CD9: variants seen among roughly 807,000 people sequenced by gnomAD.
CD9 encodes the protein CD9 molecule, also known as CD9 antigen.
Under a neutral mutation model 31.4 loss-of-function variants are expected in CD9, and 10 were observed. The ratio of observed to expected loss-of-function variants is 0.32; its 90% CI spans 0.20 to 0.54. The LOEUF (loss-of-function observed/expected upper bound fraction) is 0.54. Among genes scored for constraint, CD9 ranks in the 20% least tolerant of loss-of-function variants. CD9 has a pLI of 0.94. For missense variants in CD9, 259 were observed against 300.1 expected (o/e 0.86, Z 1.01); for synonymous variants, 113 against 114.1 (o/e 0.99, Z 0.06).
chr12:6,214,681 A>G (rs1946226141), intron 1 of CD9, among the ~76,000 whole-genome samples: 1 of 151,912 alleles, frequency 6.6e-6, no homozygotes, highest in South Asian at 2.1e-4. Context: ...TTGTTTTTCT[A>G]GAGTTCGGGG....
intron 1 of CD9, among the ~76,000 whole-genome samples, chr12:6,201,195 G>A (rs560760618): frequency 3.3e-4 from 50 of 152,342 alleles, no homozygotes; most frequent in African/African-American, 1.2e-3. Context: ...CGTTCCCTCA[G>A]ACTTTGATTC....
intron 2 of CD9, among the ~76,000 whole-genome samples, chr12:6,230,058 A>G (rs535607116): frequency 6.6e-6 from 1 of 152,308 alleles, no homozygotes; most frequent in African/African-American, 2.4e-5. Context: ...TCCAAAGGGA[A>G]GCACTGAATA....
chr12:6,213,741 C>T (rs1038908410), intron 1 of CD9, among the ~76,000 whole-genome samples: 4 of 152,118 alleles, frequency 2.6e-5, no homozygotes, highest in African/African-American at 7.2e-5. Context: ...AGGAAGGTAG[C>T]GCCTGAGGGT....
intron 1 of CD9, among the ~76,000 whole-genome samples, chr12:6,214,118 T>C (rs557919801): frequency 1.9e-3 from 290 of 152,290 alleles, no homozygotes; most frequent in Middle Eastern, 3.4e-3. Context: ...ATCTGAGCTC[T>C]GCCTCTTCCT....
At chr12:6,234,606 C>G (rs1042520123) in intron 4 of CD9, among the ~76,000 whole-genome samples, 2 of 152,202 alleles carry the variant, frequency 1.3e-5, no homozygotes, top group African/African-American at 4.8e-5. Context: ...ATGTGGTGAG[C>G]ATCAAAGGGG....
At chr12:6,199,970 G>C (rs531522433), upstream of CD9, 4 of 152,338 alleles carry the variant, frequency 2.6e-5, no homozygotes, top group African/African-American at 9.6e-5. Flanking sequence ...CCTTGGCCAA[G>C]GGGCCTTTAG....
Position 6,232,598 on chromosome 12 carries a change from T to C in CD9, c.176-34T>C. 7.3e-7 allele frequency: 1 copy of C among 1,367,912 alleles called. No homozygotes were observed. The highest frequency in any genetic ancestry group is 1.0e-6 in the Non-Finnish European group (1 of 984,792). The allele number at this position is 1,367,912 out of a possible 1,614,324, so 84.7% of individuals were successfully genotyped here. ...ATGCCTGGGCCTCTGAACTGATGTC[T>C]CCACGCGTGTGTGCTTCCTCTGTCC... On this transcript the variant is annotated intron_variant, in intron 2 of 7. Coordinates refer to ENST00000009180, the MANE Select transcript of CD9 (RefSeq NM_001769.4). The surrounding 1 kb of genome is among the most constrained non-coding windows in gnomAD (Gnocchi z 4.8).
At chr12:6,236,577 A>G (rs571949789) in intron 7 of CD9, 60 of 469,460 alleles carry the variant, frequency 1.3e-4, no homozygotes, top group African/African-American at 1.2e-3. Flanking sequence ...TCCTCGGAGC[A>G]TGTCTCCTCA....
chr12:6,208,226 A>G (rs1017252846), intron 1 of CD9, among the ~76,000 whole-genome samples: 4 of 146,656 alleles, frequency 2.7e-5, no homozygotes, highest in African/African-American at 9.9e-5. Context: ...CTCCATCTCA[A>G]AAAAAAAAAA....
At chr12:6,219,927 A>G (rs1946276355) in intron 1 of CD9, among the ~76,000 whole-genome samples, 1 of 152,262 alleles carries the variant, frequency 6.6e-6, no homozygotes. Context: ...TGAAGTAGTC[A>G]TTCATTTATG....
At chr12:6,219,597 T>G (rs1946273745) in intron 1 of CD9, among the ~76,000 whole-genome samples, 1 of 152,026 alleles carries the variant, frequency 6.6e-6, no homozygotes, top group African/African-American at 2.4e-5. Context: ...TCCATTCTCC[T>G]GCCTCAGCCT....
At chr12:6,205,275 A>C (rs1946118713) in intron 1 of CD9, among the ~76,000 whole-genome samples, 1 of 152,186 alleles carries the variant, frequency 6.6e-6, no homozygotes, top group Non-Finnish European at 1.5e-5. Flanking sequence ...CTACACCCAC[A>C]GTGGGTGTGA....
At chr12:6,206,150 T>G in intron 1 of CD9, 1 of 112,000 alleles carries the variant, frequency 8.9e-6, no homozygotes. Context: ...GGAAGGAAAT[T>G]CAGAAGACAA....
At chr12:6,200,768 G>T in intron 1 of CD9, 1 of 463,510 alleles carries the variant, frequency 2.2e-6, no homozygotes, top group Non-Finnish European at 3.8e-6. Flanking sequence ...GGGCGCATTC[G>T]GGTGGGGGCT....
Position 6,232,767 on chromosome 12 carries a change from T to A in CD9, c.273+38T>A. 7.3e-7 allele frequency: 1 copy of A among 1,373,284 alleles called. No homozygotes were observed. The highest frequency in any genetic ancestry group is 1.2e-5 in the South Asian group (1 of 80,624). 85.1% of individuals were successfully genotyped at this position (1,373,284 alleles called of 1,614,324 possible). On this transcript the variant is annotated intron_variant, in intron 3 of 7. Coordinates refer to ENST00000009180, the MANE Select transcript of CD9 (RefSeq NM_001769.4). The surrounding 1 kb of genome is among the most constrained non-coding windows in gnomAD (Gnocchi z 4.8). ...TCGGCATCCCCACAGCCACCCTGAC[T>A]CCCACCAACAAAAACCTCAGCAGGC...
chr12:6,213,750 G>A (rs914732973), intron 1 of CD9, among the ~76,000 whole-genome samples: 2 of 152,092 alleles, frequency 1.3e-5, no homozygotes, highest in African/African-American at 2.4e-5. Flanking sequence ...GCGCCTGAGG[G>A]TGCAGCTTCC....
rs1946479110 is a variant in CD9, at chr12:6,233,568, C to A, written c.348+82C>A. On this transcript the variant is annotated intron_variant, in intron 4 of 7. Coordinates refer to ENST00000009180, the MANE Select transcript of CD9 (RefSeq NM_001769.4). ...AAGCAGGGGGCAAGTCCTGGCTGGG[C>A]ACTTTGTTCAGCTTTCAGCTGTTGA... 1.1e-5 allele frequency: 12 copies of A among 1,064,998 alleles called. No homozygotes were observed. The South Asian group carries it at 1.1e-4, about 10-fold the overall frequency. 66.0% of individuals were successfully genotyped at this position (1,064,998 alleles called of 1,614,324 possible). A position where few individuals can be genotyped will look rare whatever the true frequency, so the allele number is the denominator to read the frequency against.
chr12:6,200,619 C>T, intron 1 of CD9, 54 bp downstream of exon 1: 2 of 1,270,786 alleles, frequency 1.6e-6, no homozygotes, highest in East Asian at 2.4e-5. Context: ...GTTCGCGGGC[C>T]CCGGACACTG....
chr12:6,232,418 CAG>C lies in CD9; in HGVS notation c.176-211_176-210del. On this transcript the variant is annotated intron_variant, in intron 2 of 7. Coordinates refer to ENST00000009180, the MANE Select transcript of CD9 (RefSeq NM_001769.4). This position sits in a 1 kb window ranked among gnomAD's most constrained non-coding sequence, Gnocchi z 4.8. ...AGGTAGGAGCGTGAGCTTGATGAAG[CAG>C]AGTCATGCAAGAGAGGCTGGTGGGA... 3.3e-6 allele frequency: 2 copies of C among 609,694 alleles called. No individual in the cohort carries two copies. The highest frequency in any genetic ancestry group is 5.9e-6 in the Non-Finnish European group (2 of 341,770). The allele number at this position is 609,694 out of a possible 1,614,324, so 37.8% of individuals were successfully genotyped here. A position where few individuals can be genotyped will look rare whatever the true frequency, so the allele number is the denominator to read the frequency against.
Sources: gnomAD v4.1 joint callset for allele counts (sites outside exome capture counted in the v4.1 genomes callset) on GRCh38, gnomAD v4.1.1 for gene constraint, Gnocchi (gnomAD v3.1) non-coding constraint, MANE v1.5 for transcripts, NCBI Gene and HGNC (gene_info 2026-07-23, HGNC 2026-07-21) for gene names.